Variants in CTNNA3 observed in about 807,000 individuals in gnomAD.
CTNNA3 encodes the protein catenin alpha 3.
A neutral mutation model predicts 95.7 loss-of-function variants in CTNNA3; 76 were observed. That is an observed-to-expected ratio of 0.79 (90% CI 0.66 to 0.96). The LOEUF is 0.96. Among genes scored for constraint, CTNNA3 ranks in the 40% least tolerant of loss-of-function variants. The pLI, the probability that CTNNA3 is intolerant of heterozygous loss-of-function variation, is 0.00. For synonymous variants in CTNNA3, 431 were observed against 374.4 expected, an observed-to-expected ratio of 1.15 and a Z score of -1.74; for missense variants, 1,191 against 1,089.8, an observed-to-expected ratio of 1.09 and a Z score of -1.31.
At chr10:67,382,851 G>A (rs74144408) in intron 5 of CTNNA3, among the ~76,000 whole-genome samples, 1,728 of 152,212 alleles carry the variant, frequency 0.011, 39 homozygotes, top group African/African-American at 0.038. Flanking sequence ...GGGGGTGCCA[G>A]GCTTTCTTAA....
intron 14 of CTNNA3, among the ~76,000 whole-genome samples, chr10:66,092,485 A>G (rs559097127): frequency 3.3e-5 from 5 of 151,880 alleles, no homozygotes; most frequent in Admixed American, 6.6e-5. Flanking sequence ...TCACTTCACC[A>G]ACATTCACCT....
chr10:67,053,439 A>G (rs1855234941), intron 7 of CTNNA3, among the ~76,000 whole-genome samples: 1 of 152,190 alleles, frequency 6.6e-6, no homozygotes, highest in South Asian at 2.1e-4. Flanking sequence ...ATGTACTCAA[A>G]ACCAAATACT....
chr10:67,131,579 T>C (rs1860009376), intron 7 of CTNNA3, among the ~76,000 whole-genome samples: 1 of 152,114 alleles, frequency 6.6e-6, no homozygotes, highest in Admixed American at 6.6e-5. Flanking sequence ...ATAAAATTAC[T>C]CATTCTTCAG....
intron 9 of CTNNA3, among the ~76,000 whole-genome samples, chr10:66,681,015 A>G (rs1847049181): frequency 1.3e-5 from 2 of 152,302 alleles, no homozygotes; most frequent in Admixed American, 6.5e-5. Flanking sequence ...TAAGCTGTGT[A>G]TATGGCACAG....
intron 2 of CTNNA3, among the ~76,000 whole-genome samples, chr10:67,641,314 C>T (rs1839524023): frequency 6.6e-6 from 1 of 152,150 alleles, no homozygotes. Context: ...GAGATACCAT[C>T]TCACACCAGT....
At chr10:66,515,697 C>A (rs4448581) in intron 11 of CTNNA3, among the ~76,000 whole-genome samples, 1 of 152,124 alleles carries the variant, frequency 6.6e-6, no homozygotes, top group Middle Eastern at 3.4e-3. Context: ...CAAACACATC[C>A]TTTTTCACAT....
At chr10:66,067,077 C>G (rs1488334109) in intron 15 of CTNNA3, among the ~76,000 whole-genome samples, 1 of 151,976 alleles carries the variant, frequency 6.6e-6, no homozygotes, top group African/African-American at 2.4e-5. Context: ...TTTCTGTTCT[C>G]CTGTTGCTCA....
chr10:66,999,768 A>T (rs1330052637), intron 7 of CTNNA3, among the ~76,000 whole-genome samples: 1 of 152,200 alleles, frequency 6.6e-6, no homozygotes, highest in African/African-American at 2.4e-5. Context: ...AATTTATCTT[A>T]GTTGAATTTT....
chr10:66,551,250 G>C (rs997111100), intron 10 of CTNNA3, among the ~76,000 whole-genome samples: 6 of 151,750 alleles, frequency 4.0e-5, no homozygotes, highest in Non-Finnish European at 8.8e-5. Context: ...ATTACGGCTT[G>C]ACAGTTCTAT....
chr10:67,751,346 C>A, intron 1 of CTNNA3: 1 of 672,096 alleles, frequency 1.5e-6, no homozygotes, highest in South Asian at 1.5e-5. Context: ...TGACTTCGTC[C>A]TGTTGCAGGC....
At chr10:66,094,142 T>G (rs2081307065) in intron 14 of CTNNA3, among the ~76,000 whole-genome samples, 2 of 152,088 alleles carry the variant, frequency 1.3e-5, no homozygotes, top group Admixed American at 1.3e-4. Flanking sequence ...ATCCTAATGA[T>G]GAGCAGATAC....
chr10:67,115,003 A>C (rs1392390290), intron 7 of CTNNA3, among the ~76,000 whole-genome samples: 4 of 152,116 alleles, frequency 2.6e-5, no homozygotes, highest in Admixed American at 2.0e-4. Flanking sequence ...AATCCTATAT[A>C]GCATGTCTTG....
chr10:66,733,710 T>C (rs1034344592), intron 9 of CTNNA3, among the ~76,000 whole-genome samples: 1 of 151,738 alleles, frequency 6.6e-6, no homozygotes, highest in East Asian at 1.9e-4. Flanking sequence ...GGAAAATGAT[T>C]ACATGCCTAA....
intron 7 of CTNNA3, among the ~76,000 whole-genome samples, chr10:66,909,757 T>G (rs2132554042): frequency 6.6e-6 from 1 of 152,308 alleles, no homozygotes; most frequent in East Asian, 1.9e-4. Context: ...CCGCTTGCAC[T>G]TATCACATCT....
intron 9 of CTNNA3, among the ~76,000 whole-genome samples, chr10:66,731,824 T>A (rs1848969836): frequency 6.6e-6 from 1 of 152,054 alleles, no homozygotes; most frequent in Admixed American, 6.6e-5. Context: ...GAAAGTGGAG[T>A]TTCCGGATGA....
At chr10:66,859,726 C>T (rs12782108) in intron 7 of CTNNA3, among the ~76,000 whole-genome samples, 52,622 of 106,590 alleles carry the variant, frequency 0.49, 14,135 homozygotes, top group Non-Finnish European at 0.57. Context: ...CGTATGTTTA[C>T]TGCGGCACTA....
chr10:66,966,888 A>T (rs947030596), intron 7 of CTNNA3, among the ~76,000 whole-genome samples: 1 of 152,102 alleles, frequency 6.6e-6, no homozygotes, highest in Non-Finnish European at 1.5e-5. Flanking sequence ...AGCTTTTCCC[A>T]TACTTTCCTG....
At chr10:67,436,448 C>T (rs191017626) in intron 5 of CTNNA3, among the ~76,000 whole-genome samples, 18 of 152,094 alleles carry the variant, frequency 1.2e-4, no homozygotes, top group Middle Eastern at 3.4e-3. Context: ...AAAGCAAATG[C>T]AATAAAAACA....
chr10:66,229,855 C>T (rs941437344), intron 13 of CTNNA3, among the ~76,000 whole-genome samples: 2 of 152,120 alleles, frequency 1.3e-5, no homozygotes, highest in Middle Eastern at 3.4e-3. Flanking sequence ...TATAATGTAA[C>T]TATGTATTTG....
Sources: allele counts gnomAD v4.1 joint callset (sites outside exome capture counted in the v4.1 genomes callset), GRCh38; gene constraint gnomAD v4.1.1; transcripts MANE v1.5; gene names NCBI Gene and HGNC (gene_info 2026-07-23, HGNC 2026-07-21).